NUP205: variants seen among roughly 807,000 people sequenced by gnomAD.
The protein encoded by NUP205 is nucleoporin 205, also known as nuclear pore complex protein Nup205.
Under a neutral mutation model 253.8 loss-of-function variants are expected in NUP205, and 76 were observed. That is an observed-to-expected ratio of 0.30 (90% confidence interval 0.25 to 0.36). NUP205 has a LOEUF of 0.36. Among genes scored for constraint, NUP205 ranks in the 10% least tolerant of loss-of-function variants. NUP205 has a pLI of 1.00. For synonymous variants in NUP205, 832 were observed against 850.1 expected (o/e 0.98, Z 0.37); for missense variants, 2,162 against 2,425.5 (o/e 0.89, Z 2.28).
In NUP205 at chr7:135,606,994, A is replaced by G. The variant is rs1441315325; in HGVS notation, c.3070+79A>G. 1.8e-5 allele frequency: 25 copies of G among 1,397,774 alleles called. No individual in the cohort carries two copies. In the South Asian group the frequency reaches 2.6e-4, roughly 15 times the overall value. The allele number at this position is 1,397,774 out of a possible 1,614,324, so 86.6% of individuals were successfully genotyped here. A position where few individuals can be genotyped will look rare whatever the true frequency, so the allele number is the denominator to read the frequency against. On this transcript the variant is annotated intron_variant, in intron 21 of 42. Coordinates refer to ENST00000285968, the MANE Select transcript of NUP205 (RefSeq NM_015135.3). Reference sequence around the variant, plus strand: ...GGGTCACTGATTGCATTCTGGGCTCATGGGATAATTCATTGAAAGAAAAAG... The same window carrying G: ...GGGTCACTGATTGCATTCTGGGCTCGTGGGATAATTCATTGAAAGAAAAAG...
Position 135,630,483 on chromosome 7 carries a change from T to G in NUP205, c.5059+13T>G, listed in dbSNP as rs533967969. 1 of 1,576,594 alleles carries G rather than the reference T, an allele frequency of 6.3e-7. No individual in the cohort carries two copies. Among genetic ancestry groups the G allele is most frequent in the African/African-American group, 1.4e-5 (1 of 72,802 alleles). ...GCAGCACTTCCTGGTGAGTTGATTA[T>G]GTTGAAAGGATTTTTAATAATTCTT... On this transcript the variant is annotated intron_variant, in intron 35 of 42. Transcript: ENST00000285968.
intron 21 of NUP205, 106 bp downstream of exon 21, chr7:135,607,021 G>C: frequency 7.9e-7 from 1 of 1,263,866 alleles, no homozygotes; most frequent in Non-Finnish European, 1.1e-6. Flanking sequence ...AAGAAAAAGT[G>C]TAAGAAAGGT....
At chr7:135,603,634 C>CACCT (rs1794015600) in intron 18 of NUP205, among the ~76,000 whole-genome samples, 2 of 151,924 alleles carry the variant, frequency 1.3e-5, no homozygotes, top group Non-Finnish European at 2.9e-5. Context: ...CTCAGCCTCC[C>CACCT]CAGTAGCTGG....
chr7:135,599,987 CAA>C (rs1189913263), intron 15 of NUP205, among the ~76,000 whole-genome samples: 1 of 151,976 alleles, frequency 6.6e-6, no homozygotes, highest in Non-Finnish European at 1.5e-5. Flanking sequence ...TTGGAAAATG[CAA>C]AACAGTGAAT....
At chr7:135,575,016 T>G (rs529980492) in intron 3 of NUP205, among the ~76,000 whole-genome samples, 124 of 152,352 alleles carry the variant, frequency 8.1e-4, no homozygotes, top group African/African-American at 2.8e-3. Context: ...AACTTTCATT[T>G]AACAAACATT....
Position 135,596,212 on chromosome 7 carries a change from G to A in NUP205, c.2014-1156G>A, listed in dbSNP as rs372154189. Among the ~76,000 whole-genome samples the A allele has an allele frequency of 9.8e-5, 15 of 152,340 alleles. 1 individual carries two copies. The highest frequency in any genetic ancestry group is 3.6e-4 in the African/African-American group (15 of 41,576). On this transcript the variant is annotated intron_variant, in intron 13 of 42. Transcript: ENST00000285968. ...GCCTCCCAAAGTACTGGGATTACAG[G>A]CGTGAGCCACCACGCCCAGCCAGAA...
At chr7:135,646,295 G>A (rs1584696835) in intron 42 of NUP205, 64 bp downstream of exon 42, 1 of 1,138,622 alleles carries the variant, frequency 8.8e-7, no homozygotes, top group Non-Finnish European at 1.3e-6. Context: ...GGGTGTGATG[G>A]TACACATCTG....
intron 36 of NUP205, among the ~76,000 whole-genome samples, chr7:135,636,397 A>T (rs563153805): frequency 1.3e-5 from 2 of 152,268 alleles, no homozygotes; most frequent in African/African-American, 4.8e-5. Context: ...TAAATAACAC[A>T]TGGTATCACT....
chr7:135,568,685 T>A (rs757867082), intron 1 of NUP205, among the ~76,000 whole-genome samples: 5 of 152,180 alleles, frequency 3.3e-5, no homozygotes, highest in Non-Finnish European at 7.4e-5. Context: ...GTGTACTGGG[T>A]TGAAATGTGA....
intron 2 of NUP205, among the ~76,000 whole-genome samples, chr7:135,572,975 T>A (rs1806043114): frequency 6.6e-6 from 1 of 151,608 alleles, no homozygotes; most frequent in South Asian, 2.1e-4. Flanking sequence ...TTCTTTTTTT[T>A]TGCTTTCTTT....
At position 135,627,224 on chromosome 7, in the gene NUP205, C is replaced by T. The variant is rs534309050; in HGVS notation, c.4794-749C>T. Among the ~76,000 whole-genome samples, 43 of 152,264 alleles carry T rather than the reference C, an allele frequency of 2.8e-4. 1 individual carries two copies. The South Asian group carries it at 4.6e-3, about 16-fold the overall frequency. ...TTTGGTCTAAAAATTTAAATATAAA[C>T]ATTAACAATAAATATTAGCTTATTA... On this transcript the variant is annotated intron_variant, in intron 33 of 42. Transcript: ENST00000285968.
intron 30 of NUP205, 72 bp downstream of exon 30, chr7:135,619,960 T>G (rs1794442398): frequency 1.0e-6 from 1 of 992,832 alleles, no homozygotes; most frequent in South Asian, 1.4e-5. Flanking sequence ...AAAAAATCAC[T>G]TCTCCATCTT....
chr7:135,612,164 G>T (rs1057443867), intron 22 of NUP205, among the ~76,000 whole-genome samples: 1 of 152,010 alleles, frequency 6.6e-6, no homozygotes, highest in Admixed American at 6.6e-5. Context: ...TCCAGACAAG[G>T]GTTTATAGTC....
intron 28 of NUP205, among the ~76,000 whole-genome samples, chr7:135,618,993 T>C (rs1794418114): frequency 6.6e-6 from 1 of 152,182 alleles, no homozygotes; most frequent in Non-Finnish European, 1.5e-5. Flanking sequence ...TTCCTTTCTT[T>C]CTTTCTTTCT....
At position 135,597,340 on chromosome 7, in the gene NUP205, C is replaced by T. The variant is rs745347205; in HGVS notation, c.2014-28C>T. 2.6e-6 allele frequency: 4 copies of T among 1,568,044 alleles called. No homozygotes were observed. In the African/African-American group the frequency reaches 4.1e-5, roughly 16 times the overall value. ...TATTCATTGATGAATGAGGAATGCT[C>T]CTGACATCTACTTCTTACTATTTTA... On this transcript the variant is annotated intron_variant, in intron 13 of 42. Coordinates refer to ENST00000285968, the MANE Select transcript of NUP205 (RefSeq NM_015135.3).
intron 22 of NUP205, among the ~76,000 whole-genome samples, chr7:135,610,810 ACCTT>A (rs1794212359): frequency 6.6e-6 from 1 of 152,270 alleles, no homozygotes; most frequent in South Asian, 2.1e-4. Context: ...CCTTACTGAT[ACCTT>A]CCTTGTCCTG....
chr7:135,616,976 C>A, intron 25 of NUP205, 114 bp from the exon 26 acceptor site: 1 of 757,408 alleles, frequency 1.3e-6, no homozygotes. Flanking sequence ...AGTTTCTTGA[C>A]TATTTTATGC....
chr7:135,613,487 C>G (rs1392018574), intron 22 of NUP205, among the ~76,000 whole-genome samples: 1 of 151,378 alleles, frequency 6.6e-6, no homozygotes, highest in African/African-American at 2.4e-5. Context: ...TCTTATGGTT[C>G]TCAGAAGTTA....
In NUP205 at chr7:135,587,634, G is replaced by T; in HGVS notation, c.1278G>T (p.Gln426His). 6.2e-7 allele frequency: 1 copy of T among 1,611,716 alleles called. No homozygotes were observed. Among genetic ancestry groups the T allele is most frequent in the Non-Finnish European group, 8.5e-7 (1 of 1,178,952 alleles). ...EDARMIHMSM[Q>H]MGNEPPISLR... ...CTCGAATGATTCACATGAGTATGCA[G>T]ATGGGTAATGAACCCCCCATTTCAC... Residue 426 changes from glutamine (Q) to histidine (H), a missense_variant, in exon 9 of 43, where the codon CAG becomes CAT. Gln to His is a conservative substitution (Grantham distance 24, BLOSUM62 0). This residue lies in a region of NUP205 where 892 missense variants were observed against 957.1 expected (regional missense o/e 0.93). Transcript: ENST00000285968.
Sources: allele counts gnomAD v4.1 joint callset (sites outside exome capture counted in the v4.1 genomes callset), GRCh38; gene constraint gnomAD v4.1.1; regional missense constraint gnomAD v4.1.1; transcripts MANE v1.5; gene names NCBI Gene and HGNC (gene_info 2026-07-23, HGNC 2026-07-21).